Variants in GRID2 observed in about 807,000 individuals in gnomAD.
The protein encoded by GRID2 is glutamate receptor ionotropic, delta-2.
GRID2 carries 33 observed loss-of-function variants against 114.8 expected under a neutral mutation model. That is an observed-to-expected ratio of 0.29 (90% confidence interval 0.22 to 0.38). GRID2 has a LOEUF of 0.38. Ranked by LOEUF, GRID2 falls within the 10% of genes least tolerant of loss-of-function variation. The pLI, the probability that GRID2 is intolerant of heterozygous loss-of-function variation, is 1.00. For synonymous variants in GRID2, 505 were observed against 449.9 expected, an observed-to-expected ratio of 1.12 and a Z score of -1.55; for missense variants, 1,184 against 1,257.7, an observed-to-expected ratio of 0.94 and a Z score of 0.89.
At chr4:93,568,046 C>G (rs556498500) in intron 13 of GRID2, among the ~76,000 whole-genome samples, 1 of 152,102 alleles carries the variant, frequency 6.6e-6, no homozygotes, top group Non-Finnish European at 1.5e-5. Context: ...AAAAGTCAGT[C>G]AGACACAAAT....
At chr4:92,937,017 T>G (rs1247537341) in intron 2 of GRID2, among the ~76,000 whole-genome samples, 1 of 146,482 alleles carries the variant, frequency 6.8e-6, no homozygotes. Flanking sequence ...CTTGGTCCAC[T>G]TTTTAAAATA....
At chr4:93,330,628 C>T (rs1758323352) in intron 8 of GRID2, among the ~76,000 whole-genome samples, 2 of 152,100 alleles carry the variant, frequency 1.3e-5, no homozygotes, top group Non-Finnish European at 2.9e-5. Flanking sequence ...TTCTACCCTA[C>T]TCTTCAACGC....
intron 13 of GRID2, among the ~76,000 whole-genome samples, chr4:93,605,999 G>A (rs2149650963): frequency 6.6e-6 from 1 of 152,256 alleles, no homozygotes; most frequent in Middle Eastern, 3.4e-3. Context: ...GGCCATGGTG[G>A]CTCACGCCTG....
At chr4:92,576,830 G>A (rs1189999643) in intron 1 of GRID2, among the ~76,000 whole-genome samples, 2 of 152,046 alleles carry the variant, frequency 1.3e-5, no homozygotes, top group African/African-American at 4.8e-5. Context: ...ATTGCTCCTG[G>A]GTGTGCCGTT....
At chr4:93,501,666 G>A (rs1728120352) in intron 12 of GRID2, among the ~76,000 whole-genome samples, 1 of 151,998 alleles carries the variant, frequency 6.6e-6, no homozygotes. Flanking sequence ...CTTTCAGTGA[G>A]CATTTAATTA....
At chr4:92,592,270 A>T (rs943818937) in intron 2 of GRID2, among the ~76,000 whole-genome samples, 6 of 152,082 alleles carry the variant, frequency 3.9e-5, no homozygotes, top group Admixed American at 1.3e-4. Context: ...CATATTAATA[A>T]TTGTGAATTA....
intron 2 of GRID2, among the ~76,000 whole-genome samples, chr4:93,032,834 C>T (rs1192686966): frequency 6.6e-6 from 1 of 152,082 alleles, no homozygotes; most frequent in Non-Finnish European, 1.5e-5. Context: ...ATGAAAGTAG[C>T]CTAACACCCA....
At chr4:92,947,461 A>T (rs896289449) in intron 2 of GRID2, among the ~76,000 whole-genome samples, 2 of 151,984 alleles carry the variant, frequency 1.3e-5, no homozygotes, top group African/African-American at 4.8e-5. Context: ...GTAGTGACAT[A>T]TGTGCTACTT....
At chr4:93,792,277 G>A (rs1734709746) in intron 1 of GRID2, among the ~76,000 whole-genome samples, 1 of 152,100 alleles carries the variant, frequency 6.6e-6, no homozygotes, top group African/African-American at 2.4e-5. Flanking sequence ...CAATTTTGGT[G>A]AGAATGCCTG....
intron 9 of GRID2, among the ~76,000 whole-genome samples, chr4:93,397,155 G>A (rs1220768019): frequency 1.3e-5 from 2 of 151,886 alleles, no homozygotes; most frequent in African/African-American, 4.8e-5. Context: ...GTGGATTTGT[G>A]CATATTTTCT....
chr4:92,469,187 C>A (rs182137817), intron 1 of GRID2, among the ~76,000 whole-genome samples: 4 of 152,176 alleles, frequency 2.6e-5, no homozygotes, highest in Admixed American at 1.3e-4. Context: ...AGAAAACTTT[C>A]TTTTTGGAAT....
intron 2 of GRID2, among the ~76,000 whole-genome samples, chr4:92,700,113 T>C (rs570082947): frequency 1.3e-4 from 20 of 152,312 alleles, no homozygotes; most frequent in South Asian, 2.1e-4. Context: ...AAAAAAATAC[T>C]TGAAGCATCC....
intron 1 of GRID2, among the ~76,000 whole-genome samples, chr4:92,575,507 TG>T (rs1364944807): frequency 1.8e-4 from 27 of 152,208 alleles, no homozygotes; most frequent in African/African-American, 6.5e-4. Flanking sequence ...TTGTGGTTTT[TG>T]TTGTTGTTTG....
intron 2 of GRID2, among the ~76,000 whole-genome samples, chr4:93,070,178 A>G (rs897605936): frequency 5.9e-5 from 9 of 152,154 alleles, no homozygotes; most frequent in Non-Finnish European, 1.3e-4. Context: ...CACATGACTG[A>G]GTGAAAAGCT....
intron 1 of GRID2, among the ~76,000 whole-genome samples, chr4:92,383,715 A>G (rs1318506610): frequency 1.3e-5 from 2 of 151,640 alleles, no homozygotes; most frequent in Non-Finnish European, 2.9e-5. Flanking sequence ...CCCTCCTCCA[A>G]TGATGCTGGA....
At chr4:93,479,593 C>T (rs549911027) in intron 11 of GRID2, among the ~76,000 whole-genome samples, 6 of 152,126 alleles carry the variant, frequency 3.9e-5, no homozygotes, top group African/African-American at 9.6e-5. Flanking sequence ...GGGGATGGGG[C>T]GGGGAACTAG....
Position 93,517,916 on chromosome 4 carries a change from A to G in GRID2, c.2193+2505A>G, listed in dbSNP as rs1461690456. On this transcript the variant is annotated intron_variant, in intron 13 of 15. Coordinates refer to ENST00000282020, the MANE Select transcript of GRID2 (RefSeq NM_001510.4). ...TATATATATATGTATGTGTGTGTGT[A>G]TGTATATACTATATATGTATGTATA... Among the ~76,000 whole-genome samples, 3 of 138,142 alleles carry G rather than the reference A, an allele frequency of 2.2e-5. No homozygotes were observed. The Admixed American group carries it at 2.2e-4, about 10-fold the overall frequency. 90.6% of individuals were successfully genotyped at this position (138,142 alleles called of 152,430 possible). A position where few individuals can be genotyped will look rare whatever the true frequency, so the allele number is the denominator to read the frequency against.
At position 92,949,453 on chromosome 4, in the gene GRID2, G is replaced by GC. The variant is rs1751874950; in HGVS notation, c.245-135541dup. On this transcript the variant is annotated intron_variant, in intron 2 of 15. Transcript: ENST00000282020. Reference sequence around the variant, plus strand: ...ATTAGGCATATCTCCAAAATGGAAAGCTAAAATAACCTTTACATTTTAAGA... The same window carrying GC: ...ATTAGGCATATCTCCAAAATGGAAAGCCTAAAATAACCTTTACATTTTAAGA... Among the ~76,000 whole-genome samples the GC allele has an allele frequency of 3.9e-5, 6 of 152,050 alleles. No individual in the cohort carries two copies. The Middle Eastern group carries it at 0.01, about 259-fold the overall frequency.
intron 2 of GRID2, among the ~76,000 whole-genome samples, chr4:92,904,309 T>A (rs1248237969): frequency 6.6e-6 from 1 of 150,394 alleles, no homozygotes; most frequent in Non-Finnish European, 1.5e-5. Flanking sequence ...AATATGAAGA[T>A]AATTTTAATA....
Sources: gnomAD v4.1 joint callset for allele counts (sites outside exome capture counted in the v4.1 genomes callset) on GRCh38, gnomAD v4.1.1 for gene constraint, MANE v1.5 for transcripts, NCBI Gene and HGNC (gene_info 2026-07-23, HGNC 2026-07-21) for gene names.